OR13A1: variants seen among roughly 807,000 people sequenced by gnomAD.
The protein encoded by OR13A1 is olfactory receptor 13A1.
OR13A1 carries 10 observed loss-of-function variants against 7.5 expected under a neutral mutation model. That is an observed-to-expected ratio of 1.34 (90% CI 0.83 to 2.27). OR13A1 has a LOEUF of 2.27. Ranked by LOEUF, OR13A1 falls within the 30% of genes most tolerant of loss-of-function variation. OR13A1 has a pLI of 0.00. For synonymous variants in OR13A1, 238 were observed against 177.9 expected, an observed-to-expected ratio of 1.34 and a Z score of -2.69; for missense variants, 509 against 419.1, an observed-to-expected ratio of 1.21 and a Z score of -1.87.
At chr10:45,312,547 G>A (rs1003535532) in intron 1 of OR13A1, among the ~76,000 whole-genome samples, 1 of 149,250 alleles carries the variant, frequency 6.7e-6, no homozygotes, top group African/African-American at 2.5e-5. Flanking sequence ...AAAAGTTAAA[G>A]GAATTCATCA....
chr10:45,306,323 G>A (rs1413937179), intron 3 of OR13A1, among the ~76,000 whole-genome samples: 3 of 152,008 alleles, frequency 2.0e-5, no homozygotes, highest in Non-Finnish European at 4.4e-5. Flanking sequence ...CGTGGTGGCG[G>A]GCGCCTGTAG....
chr10:45,312,689 A>G (rs866380015), intron 1 of OR13A1, among the ~76,000 whole-genome samples: 1 of 152,152 alleles, frequency 6.6e-6, no homozygotes, highest in Non-Finnish European at 1.5e-5. Context: ...GTAACTTGTC[A>G]TGTAAAAGGA....
chr10:45,312,587 A>G (rs887336342), intron 1 of OR13A1, among the ~76,000 whole-genome samples: 20 of 151,972 alleles, frequency 1.3e-4, no homozygotes, highest in South Asian at 2.1e-4. Flanking sequence ...AAAAAATGTT[A>G]AAGAAAACCC....
At chr10:45,308,654 C>T (rs1838383689) in intron 1 of OR13A1, 1 of 152,130 alleles carries the variant, frequency 6.6e-6, no homozygotes, top group African/African-American at 2.4e-5. Context: ...ATGAGTAGAA[C>T]TTTTCCCATT....
rs1838256711 is a variant in OR13A1 at position 45,303,696 on chromosome 10, T to C, written c.727A>G (p.Ile243Val). 2.5e-6 allele frequency: 4 copies of C among 1,614,106 alleles called. No homozygotes were observed. The highest frequency in any genetic ancestry group is 3.4e-6 in the Non-Finnish European group (4 of 1,180,054). The change falls in exon 4 of 4, where the codon ATC (isoleucine) becomes GTC (valine). Residue 243 changes from isoleucine to valine, a missense_variant. Coordinates refer to ENST00000553795, the MANE Select transcript of OR13A1 (RefSeq NM_001004297.3). The part of the protein sequence containing the change: ...IASYGFIVSS[I>V]LKVKTAWGRQ... ...CCCCAGGCAGTCTTCACCTTCAGGA[T>C]GCTGGAGACGATGAAGCCATAGGAC...
At chr10:45,315,032 AG>A (rs1350183297) in intron 1 of OR13A1, among the ~76,000 whole-genome samples, 3 of 152,208 alleles carry the variant, frequency 2.0e-5, no homozygotes, top group Admixed American at 6.5e-5. Context: ...AACACTTCAA[AG>A]CTCATTATAT....
chr10:45,304,573 G>T lies in OR13A1; in HGVS notation c.-12-139C>A, dbSNP rs546206703. 13 of 686,100 alleles carry T rather than the reference G, an allele frequency of 1.9e-5. No homozygotes were observed. In the African/African-American group the frequency reaches 2.0e-4, roughly 10 times the overall value. The allele number at this position is 686,100 out of a possible 1,614,324, so 42.5% of individuals were successfully genotyped here. On this transcript the variant is annotated intron_variant, in intron 3 of 3. Coordinates refer to ENST00000553795, the MANE Select transcript of OR13A1 (RefSeq NM_001004297.3). ...ACCCCAATATTACAGTAGAAAAAAG[G>T]CGTGAACACTCAGTTTATAAAAAAT... is the stretch of plus-strand genomic sequence containing the variant.
chr10:45,309,547 T>C (rs2133043537), intron 1 of OR13A1, among the ~76,000 whole-genome samples: 1 of 152,202 alleles, frequency 6.6e-6, no homozygotes, highest in South Asian at 2.1e-4. Flanking sequence ...TTTCCAGACC[T>C]GGGGTAAAAT....
In OR13A1 at chr10:45,304,298, C is replaced by A; in HGVS notation, c.125G>T (p.Arg42Leu). 6.2e-7 allele frequency: 1 copy of A among 1,614,130 alleles called. No individual in the cohort carries two copies. Among genetic ancestry groups the A allele is most frequent in the East Asian group, 2.2e-5 (1 of 44,878 alleles). The stretch of plus-strand genomic sequence containing the variant: ...GAGGAAACAGCTGAATAAGAACACC[C>A]GGTATTCTGGGTGCTCCGAAAAGCC... ...LQGFSEHPEY[R>L]VFLFSCFLFL... Residue 42 changes from arginine to leucine, a missense_variant, in exon 4 of 4, where the codon CGG becomes CTG. Physicochemically the swap from Arg to Leu is moderately radical, Grantham distance 102 (BLOSUM62 -2). Coordinates refer to ENST00000553795, the MANE Select transcript of OR13A1 (RefSeq NM_001004297.3).
At position 45,304,001 on chromosome 10, in the gene OR13A1, T is replaced by C. The variant is rs1357273495; in HGVS notation, c.422A>G (p.Tyr141Cys). The change falls in exon 4 of 4, where the codon TAC (tyrosine) becomes TGC (cysteine). Residue 141 changes from tyrosine (Y) to cysteine (C), a missense_variant. Tyr to Cys is a radical substitution (Grantham distance 194). Coordinates refer to ENST00000553795, the MANE Select transcript of OR13A1 (RefSeq NM_001004297.3). ...ATGCAGCGGGTGGCAGATGGCTGCG[T>C]ACCGGTCATAGGCCATGACCGTGAG... Reference protein sequence around the residue: ...LLLTVMAYDRYAAICHPLHYS... With the variant: ...LLLTVMAYDRCAAICHPLHYS... 4 of 1,612,486 alleles carry C rather than the reference T, an allele frequency of 2.5e-6. No homozygotes were observed. The highest frequency in any genetic ancestry group is 1.7e-5 in the Admixed American group (1 of 59,882).
intron 1 of OR13A1, among the ~76,000 whole-genome samples, chr10:45,310,579 T>C (rs550214406): frequency 1.3e-5 from 2 of 152,128 alleles, no homozygotes; most frequent in Admixed American, 6.6e-5. Flanking sequence ...AGCTGGGAAA[T>C]GTGGTCAAGC....
Position 45,311,388 on chromosome 10 carries a change from G to T in OR13A1, c.-224-3580C>A, listed in dbSNP as rs149750894. On this transcript the variant is annotated intron_variant, in intron 1 of 3. Transcript: ENST00000553795. ...TTCTACATCTTTAACTTCAGTCTTG[G>T]TTGAGCTCCACCCTCTGTGCTTGTT... 7.1e-3 allele frequency among the ~76,000 whole-genome samples: 1,085 copies of T among 152,122 alleles called. 5 individuals are homozygous for T. The highest frequency in any genetic ancestry group is 0.037 in the Middle Eastern group (11 of 294).
chr10:45,307,897 G>A (rs1467281309), intron 1 of OR13A1, 89 bp from the exon 2 acceptor site: 1 of 152,066 alleles, frequency 6.6e-6, no homozygotes, highest in Non-Finnish European at 1.5e-5. Context: ...AATTAAAAAG[G>A]TAATTTCATT....
At chr10:45,306,096 C>T (rs372243137) in intron 3 of OR13A1, among the ~76,000 whole-genome samples, 1 of 152,214 alleles carries the variant, frequency 6.6e-6, no homozygotes, top group East Asian at 1.9e-4. Flanking sequence ...ACATTCTGTA[C>T]AGCTCAAGAT....
intron 3 of OR13A1, 100 bp downstream of exon 3, chr10:45,307,326 C>T: frequency 1.3e-5 from 2 of 152,326 alleles, no homozygotes; most frequent in South Asian, 4.1e-4. Context: ...AAAACAATAG[C>T]TCTGCAATAC....
At chr10:45,307,055 C>T (rs769061398) in intron 3 of OR13A1, among the ~76,000 whole-genome samples, 7 of 152,216 alleles carry the variant, frequency 4.6e-5, no homozygotes, top group Non-Finnish European at 8.8e-5. Flanking sequence ...ACTTCCGACT[C>T]ATGTCCTCCT....
chr10:45,307,321 A>G (rs1436474275), intron 3 of OR13A1, 105 bp downstream of exon 3: 1 of 152,248 alleles, frequency 6.6e-6, no homozygotes, highest in Non-Finnish European at 1.5e-5. Flanking sequence ...TTAGAAAAAC[A>G]ATAGCTCTGC....
chr10:45,304,902 T>C (rs1448382275), intron 3 of OR13A1, among the ~76,000 whole-genome samples: 4 of 152,332 alleles, frequency 2.6e-5, no homozygotes, highest in African/African-American at 4.8e-5. Flanking sequence ...GAGTATATTA[T>C]GGTAAATTGA....
chr10:45,313,625 A>G lies in OR13A1; in HGVS notation c.-225+1899T>C, dbSNP rs76969207. Among the ~76,000 whole-genome samples, 501 of 152,230 alleles carry G rather than the reference A, an allele frequency of 3.3e-3. 2 individuals are homozygous for G. The highest frequency in any genetic ancestry group is 6.8e-3 in the Middle Eastern group (2 of 294). ...AAAAGCAAGCAGAAGTGACTATACT[A>G]CTATCCAACAAAATAGACTTAAAGT... On this transcript the variant is annotated intron_variant, in intron 1 of 3. Coordinates refer to ENST00000553795, the MANE Select transcript of OR13A1 (RefSeq NM_001004297.3).
Sources: allele counts gnomAD v4.1 joint callset (sites outside exome capture counted in the v4.1 genomes callset), GRCh38; gene constraint gnomAD v4.1.1; transcripts MANE v1.5; gene names NCBI Gene and HGNC (gene_info 2026-07-23, HGNC 2026-07-21).